The following GPC6 variants were observed in gnomAD, a reference collection of about 807,000 sequenced individuals.
GPC6 encodes glypican 6, also known as glypican-6.
A neutral mutation model predicts 55.2 loss-of-function variants in GPC6; 14 were observed. The observed-to-expected ratio is 0.25, with a 90% CI of 0.17 to 0.40. GPC6 has a LOEUF of 0.40. Among genes scored for constraint, GPC6 ranks in the 10% least tolerant of loss-of-function variants. The pLI, the probability that GPC6 is intolerant of heterozygous loss-of-function variation, is 1.00. For synonymous variants in GPC6, 278 were observed against 259.6 expected (o/e 1.07, Z -0.68); for missense variants, 641 against 708.5 (o/e 0.90, Z 1.08).
chr13:93,966,783 T>A (rs889320956), intron 3 of GPC6, among the ~76,000 whole-genome samples: 1 of 151,226 alleles, frequency 6.6e-6, no homozygotes, highest in Non-Finnish European at 1.5e-5. Context: ...CCCAAGTAGC[T>A]GGGACTACAG....
chr13:93,247,103 A>AACC (rs1193245291), intron 1 of GPC6, among the ~76,000 whole-genome samples: 1 of 152,088 alleles, frequency 6.6e-6, no homozygotes, highest in Non-Finnish European at 1.5e-5. Context: ...TTGCAACAAA[A>AACC]ACCATTCTAG....
intron 1 of GPC6, among the ~76,000 whole-genome samples, chr13:93,462,571 G>T (rs1469646862): frequency 6.6e-6 from 1 of 150,650 alleles, no homozygotes; most frequent in African/African-American, 2.4e-5. Flanking sequence ...ACTGAAGTTT[G>T]TCAGTGGATT....
At chr13:93,759,025 A>G (rs950315408) in intron 2 of GPC6, among the ~76,000 whole-genome samples, 1 of 151,914 alleles carries the variant, frequency 6.6e-6, no homozygotes, top group African/African-American at 2.4e-5. Context: ...TCTCCTGTCT[A>G]GAGTAACCAC....
rs115454779 is a variant in GPC6 at position 94,403,255 on chromosome 13, A to T, written c.*38A>T. 5.1e-4 allele frequency: 704 copies of T among 1,383,034 alleles called. 4 individuals carry two copies. The African/African-American group carries it at 9.1e-3, about 18-fold the overall frequency. 85.7% of individuals were successfully genotyped at this position (1,383,034 alleles called of 1,614,324 possible). On this transcript the variant is annotated 3_prime_UTR_variant, in exon 9 of 9. Coordinates refer to ENST00000377047, the MANE Select transcript of GPC6 (RefSeq NM_005708.5). ...GGTCAGATGAAACTGCATTTTAGCT[A>T]TCTGAATGGCCAACTCACTTCTTTT...
At chr13:94,046,730 T>C (rs1883746706) in intron 4 of GPC6, among the ~76,000 whole-genome samples, 1 of 152,134 alleles carries the variant, frequency 6.6e-6, no homozygotes, top group Admixed American at 6.6e-5. Context: ...CGTTTGTGTG[T>C]CTATATGTCA....
At chr13:94,351,962 C>CAAAAAA (rs60206836) in intron 6 of GPC6, among the ~76,000 whole-genome samples, 101 of 101,266 alleles carry the variant, frequency 1.0e-3, no homozygotes, top group Middle Eastern at 4.6e-3. Context: ...GAGAAGAAGG[C>CAAAAAA]AAAAAAAAAA....
chr13:93,597,472 C>G (rs984089487), intron 2 of GPC6, among the ~76,000 whole-genome samples: 1 of 152,108 alleles, frequency 6.6e-6, no homozygotes, highest in Non-Finnish European at 1.5e-5. Context: ...AACCTGGGCC[C>G]CCTTCCATCT....
At chr13:94,137,464 A>T (rs984122973) in intron 4 of GPC6, among the ~76,000 whole-genome samples, 1 of 152,210 alleles carries the variant, frequency 6.6e-6, no homozygotes, top group African/African-American at 2.4e-5. Flanking sequence ...AGACTCTCAA[A>T]GTGATAGGGT....
intron 4 of GPC6, among the ~76,000 whole-genome samples, chr13:94,039,620 A>G (rs1883461582): frequency 6.6e-6 from 1 of 151,942 alleles, no homozygotes; most frequent in Non-Finnish European, 1.5e-5. Context: ...AGTGGGACCA[A>G]AAGTGGAAAC....
chr13:93,787,154 C>T (rs562107440), intron 2 of GPC6, among the ~76,000 whole-genome samples: 1 of 152,264 alleles, frequency 6.6e-6, no homozygotes, highest in Non-Finnish European at 1.5e-5. Context: ...ACTCTATTGC[C>T]ACATTTTTAA....
intron 7 of GPC6, among the ~76,000 whole-genome samples, chr13:94,387,767 C>T (rs866427449): frequency 3.0e-5 from 2 of 66,990 alleles, no homozygotes; most frequent in Admixed American, 2.8e-4. Flanking sequence ...TCTCTCTCTG[C>T]CGTGTGAGGA....
At chr13:93,756,428 C>A (rs1392704287) in intron 2 of GPC6, among the ~76,000 whole-genome samples, 1 of 152,144 alleles carries the variant, frequency 6.6e-6, no homozygotes, top group Non-Finnish European at 1.5e-5. Flanking sequence ...TGGTCAGAGG[C>A]CATCTACAGA....
intron 2 of GPC6, among the ~76,000 whole-genome samples, chr13:93,545,907 T>C (rs1256233150): frequency 6.6e-6 from 1 of 152,250 alleles, no homozygotes; most frequent in Non-Finnish European, 1.5e-5. Flanking sequence ...ATTGCAGTTA[T>C]GCATTCTGTA....
At chr13:93,952,673 G>A (rs556876521) in intron 3 of GPC6, among the ~76,000 whole-genome samples, 3 of 151,266 alleles carry the variant, frequency 2.0e-5, no homozygotes, top group East Asian at 3.9e-4. Flanking sequence ...ATGTATGTGT[G>A]TATAAATAGT....
chr13:93,953,524 A>T (rs575152017), intron 3 of GPC6, among the ~76,000 whole-genome samples: 1 of 152,276 alleles, frequency 6.6e-6, no homozygotes, highest in South Asian at 2.1e-4. Context: ...GTTTCTCCAC[A>T]TCTTGTTCAT....
chr13:94,233,428 T>A (rs9516370), intron 4 of GPC6, among the ~76,000 whole-genome samples: 39,460 of 152,106 alleles, frequency 0.26, 5,223 homozygotes, highest in East Asian at 0.38. Flanking sequence ...CATTATCTGC[T>A]CTTTCACTTT....
At chr13:93,575,407 T>C (rs1175834270) in intron 2 of GPC6, among the ~76,000 whole-genome samples, 1 of 152,088 alleles carries the variant, frequency 6.6e-6, no homozygotes, top group African/African-American at 2.4e-5. Flanking sequence ...AAAACCGGAG[T>C]GTGTTACAGA....
chr13:93,751,903 A>G (rs1884606971), intron 2 of GPC6, among the ~76,000 whole-genome samples: 1 of 151,940 alleles, frequency 6.6e-6, no homozygotes, highest in South Asian at 2.1e-4. Context: ...CTCTCACTTA[A>G]ATTCCAGCCA....
At chr13:94,276,561 C>T (rs1398024576) in intron 4 of GPC6, among the ~76,000 whole-genome samples, 1 of 152,048 alleles carries the variant, frequency 6.6e-6, no homozygotes, top group Admixed American at 6.6e-5. Context: ...TGGTTTCCTG[C>T]ACCTGTTGAC....
Sources: gnomAD v4.1 joint callset for allele counts (sites outside exome capture counted in the v4.1 genomes callset) on GRCh38, gnomAD v4.1.1 for gene constraint, MANE v1.5 for transcripts, NCBI Gene and HGNC (gene_info 2026-07-23, HGNC 2026-07-21) for gene names.